The following OPHN1 variants were observed in gnomAD, a reference collection of about 807,000 sequenced individuals.
OPHN1 encodes the protein oligophrenin 1, also known as oligophrenin-1.
OPHN1 carries 11 observed loss-of-function variants against 60.7 expected under a neutral mutation model. That is an observed-to-expected ratio of 0.18 (90% CI 0.11 to 0.30). OPHN1 has a LOEUF of 0.30. Ranked by LOEUF, OPHN1 falls within the 10% of genes least tolerant of loss-of-function variation. OPHN1 has a pLI of 1.00. For missense variants in OPHN1, 449 were observed against 611.0 expected (o/e 0.73, Z 2.80); for synonymous variants, 226 against 222.6 (o/e 1.02, Z -0.14).
At chrX:68,049,275 C>CT (rs1247252284) in intron 23 of OPHN1, among the ~76,000 whole-genome samples, 1 of 111,932 alleles carries the variant, frequency 8.9e-6, no homozygotes, top group Non-Finnish European at 1.9e-5. Flanking sequence ...CTCAAAGTGT[C>CT]TTTAAAAAAT....
chrX:68,216,130 T>C (rs1479088593), intron 6 of OPHN1, among the ~76,000 whole-genome samples: 4 of 111,472 alleles, frequency 3.6e-5, no homozygotes, highest in Non-Finnish European at 7.5e-5. Context: ...CTGTTGATCC[T>C]GTACAACCCA....
chrX:68,112,318 A>G (rs758488636), intron 17 of OPHN1: 13 of 153,048 alleles, frequency 8.5e-5, no homozygotes, highest in Non-Finnish European at 1.6e-4. Flanking sequence ...AAAGAGAAGG[A>G]TGAGAAGAGA....
At position 68,432,958 on chromosome X, in the gene OPHN1, C is replaced by T. The variant is rs1309427725; in HGVS notation, c.63G>A (p.Arg21=). The change falls in exon 2 of 25, where the codon AGG becomes AGA. Residue 21 remains arginine (R), a synonymous_variant. Coordinates refer to ENST00000355520, the MANE Select transcript of OPHN1 (RefSeq NM_002547.3). ...CCAGTTCCTGCTCATAACACTTGAG[C>T]CTCTCGCGGAAATCGGGGCTGTCCA... ...CYLDSPDFRE[R]LKCYEQELER... The T allele has an allele frequency of 8.3e-7, 1 of 1,209,942 alleles. No homozygotes were observed. The highest frequency in any genetic ancestry group is 3.0e-5 in the East Asian group (1 of 33,763).
chrX:68,236,252 C>G (rs1435418170), intron 5 of OPHN1, among the ~76,000 whole-genome samples: 1 of 111,611 alleles, frequency 9.0e-6, no homozygotes, highest in Non-Finnish European at 1.9e-5. Context: ...GAAGGACAAA[C>G]TGTTCCTCCA....
At chrX:68,317,709 G>GAAAGAAAAGAAAAGA (rs746793553) in intron 2 of OPHN1, among the ~76,000 whole-genome samples, 1 of 107,093 alleles carries the variant, frequency 9.3e-6, no homozygotes, top group Non-Finnish European at 1.9e-5. Context: ...GAAAGAGAAA[G>GAAAGAAAAGAAAAGA]AAAGAAAAGA....
At chrX:68,248,919 G>T (rs949753902) in intron 5 of OPHN1, among the ~76,000 whole-genome samples, 3 of 111,742 alleles carry the variant, frequency 2.7e-5, no homozygotes, top group African/African-American at 6.5e-5. Context: ...TGGACATAGG[G>T]TATAGAAAGA....
intron 5 of OPHN1, among the ~76,000 whole-genome samples, chrX:68,266,889 T>C (rs2077932276): frequency 1.8e-5 from 2 of 111,069 alleles, no homozygotes; most frequent in Non-Finnish European, 3.8e-5. Flanking sequence ...TAGTCTCTGA[T>C]AAAACAGACT....
intron 19 of OPHN1, among the ~76,000 whole-genome samples, chrX:68,076,198 C>A (rs1359832224): frequency 9.0e-6 from 1 of 110,576 alleles, no homozygotes; most frequent in Non-Finnish European, 1.9e-5. Flanking sequence ...AGAAAACATA[C>A]AAATGGCAAA....
chrX:68,105,572 C>T (rs1429025351), intron 18 of OPHN1, among the ~76,000 whole-genome samples: 2 of 106,259 alleles, frequency 1.9e-5, no homozygotes, highest in Non-Finnish European at 3.9e-5. Context: ...AAACCAAACA[C>T]CACATGTTTT....
At chrX:68,362,620 A>C (rs960763156) in intron 2 of OPHN1, among the ~76,000 whole-genome samples, 1 of 110,857 alleles carries the variant, frequency 9.0e-6, no homozygotes, top group Non-Finnish European at 1.9e-5. Context: ...TACATCCAGG[A>C]GCTCAAAGGG....
At chrX:68,182,851 G>A (rs1464079638) in intron 15 of OPHN1, among the ~76,000 whole-genome samples, 1 of 111,878 alleles carries the variant, frequency 8.9e-6, no homozygotes, top group African/African-American at 3.3e-5. Context: ...GTCAGAGGTT[G>A]CAATGAGCCA....
chrX:68,119,113 G>A, intron 16 of OPHN1, 135 bp downstream of exon 16: 1 of 494,476 alleles, frequency 2.0e-6, no homozygotes, highest in East Asian at 3.7e-5. Context: ...TTCTTGGCCA[G>A]AAATCCTCTT....
intron 15 of OPHN1, among the ~76,000 whole-genome samples, chrX:68,179,041 G>A (rs939041362): frequency 8.9e-6 from 1 of 111,955 alleles, no homozygotes; most frequent in Non-Finnish European, 1.9e-5. Flanking sequence ...TTCCCTTTTA[G>A]CATTCCAAGC....
chrX:68,392,846 C>T (rs942369821), intron 2 of OPHN1, among the ~76,000 whole-genome samples: 1 of 109,172 alleles, frequency 9.2e-6, no homozygotes, highest in Non-Finnish European at 1.9e-5. Context: ...CCCACTCGAT[C>T]CCCCCTTCCA....
chrX:68,350,682 A>G (rs1177237455), intron 2 of OPHN1, among the ~76,000 whole-genome samples: 3 of 104,212 alleles, frequency 2.9e-5, no homozygotes, highest in Non-Finnish European at 5.8e-5. Context: ...ACACTTGGGT[A>G]ATTTTTAAAT....
chrX:68,429,192 G>C (rs367938351), intron 2 of OPHN1, among the ~76,000 whole-genome samples: 38 of 110,455 alleles, frequency 3.4e-4, no homozygotes, highest in East Asian at 2.9e-3. Context: ...GAGGCCAAGG[G>C]GGGGCGGACT....
intron 15 of OPHN1, among the ~76,000 whole-genome samples, chrX:68,137,790 A>T (rs2147471533): frequency 9.0e-6 from 1 of 111,709 alleles, no homozygotes; most frequent in African/African-American, 3.3e-5. Context: ...ATTAGAAAGG[A>T]TATGAGTACC....
At chrX:68,203,589 C>T (rs757010243) in intron 10 of OPHN1, among the ~76,000 whole-genome samples, 1 of 111,841 alleles carries the variant, frequency 8.9e-6, no homozygotes, top group African/African-American at 3.2e-5. Flanking sequence ...CACAGACTCA[C>T]TCTATCTCTT....
intron 15 of OPHN1, among the ~76,000 whole-genome samples, chrX:68,180,775 C>A (rs1002898383): frequency 2.7e-5 from 3 of 111,628 alleles, no homozygotes; most frequent in African/African-American, 9.8e-5. Flanking sequence ...CAGGAAATTT[C>A]TTCCAGTAAG....
Sources: allele counts gnomAD v4.1 joint callset (sites outside exome capture counted in the v4.1 genomes callset), GRCh38; gene constraint gnomAD v4.1.1; transcripts MANE v1.5; gene names NCBI Gene and HGNC (gene_info 2026-07-23, HGNC 2026-07-21).